The following EYS variants were observed in gnomAD, a reference collection of about 807,000 sequenced individuals.
EYS encodes the protein EGF-like photoreceptor maintenance factor, also known as protein eyes shut homolog.
EYS carries 250 observed loss-of-function variants against 282.1 expected under a neutral mutation model. The ratio of observed to expected loss-of-function variants is 0.89; its 90% CI spans 0.80 to 0.98. The LOEUF (loss-of-function observed/expected upper bound fraction) is 0.98, where lower values mean the gene tolerates loss of function less well. Among genes scored for constraint, EYS ranks in the 50% least tolerant of loss-of-function variants. The probability of loss-of-function intolerance (pLI) is 0.00; values close to 1 mark genes in which losing one functional copy is unlikely to be tolerated. For synonymous variants in EYS, 1,355 were observed against 1,282.9 expected (o/e 1.06, Z -1.20); for missense variants, 4,016 against 3,709.0 (o/e 1.08, Z -2.15).
At chr6:64,166,897 C>A (rs1316712888) in intron 31 of EYS, among the ~76,000 whole-genome samples, 2 of 152,120 alleles carry the variant, frequency 1.3e-5, no homozygotes, top group African/African-American at 2.4e-5. Flanking sequence ...TTCCTGGACA[C>A]AATAATGTGC....
chr6:64,750,247 C>T (rs1039601699), intron 22 of EYS, among the ~76,000 whole-genome samples: 1 of 151,962 alleles, frequency 6.6e-6, no homozygotes, highest in African/African-American at 2.4e-5. Context: ...AGGTCAGCTT[C>T]TCTGTTACCC....
intron 6 of EYS, 148 bp downstream of exon 6, chr6:65,405,026 A>C (rs993995637): frequency 3.5e-6 from 2 of 565,118 alleles, no homozygotes; most frequent in Non-Finnish European, 3.0e-6. Flanking sequence ...AAATAGGAAA[A>C]ATTAAAATAA....
At chr6:64,485,191 G>T (rs1776546024) in intron 26 of EYS, among the ~76,000 whole-genome samples, 1 of 151,594 alleles carries the variant, frequency 6.6e-6, no homozygotes, top group South Asian at 2.1e-4. Context: ...AAATTGCTAA[G>T]CACTTGCTGA....
chr6:63,875,078 T>C (rs1772931682), intron 35 of EYS, among the ~76,000 whole-genome samples: 1 of 152,212 alleles, frequency 6.6e-6, no homozygotes, highest in African/African-American at 2.4e-5. Context: ...TTCCAGTTTT[T>C]GCCCATTCAG....
chr6:65,537,127 C>G (rs113127649), intron 2 of EYS, among the ~76,000 whole-genome samples: 1,663 of 152,176 alleles, frequency 0.011, 26 homozygotes, highest in Non-Finnish European at 0.015. Context: ...TGTTCTCACT[C>G]ATAAGTGGGA....
chr6:65,340,497 A>T (rs1184216336), intron 10 of EYS, among the ~76,000 whole-genome samples: 1 of 151,212 alleles, frequency 6.6e-6, no homozygotes, highest in Admixed American at 6.6e-5. Context: ...TCTATGAAAT[A>T]CTTGCTTCTG....
chr6:63,763,705 C>A (rs1356617770), intron 40 of EYS, among the ~76,000 whole-genome samples: 1 of 151,736 alleles, frequency 6.6e-6, no homozygotes, highest in East Asian at 1.9e-4. Flanking sequence ...TTTTCTGAGG[C>A]CTCCCCAGCC....
intron 26 of EYS, among the ~76,000 whole-genome samples, chr6:64,552,351 T>G (rs1765108032): frequency 6.6e-6 from 1 of 152,176 alleles, no homozygotes; most frequent in Non-Finnish European, 1.5e-5. Context: ...CAAAGCTGTC[T>G]CTTGTCGGGG....
intron 28 of EYS, among the ~76,000 whole-genome samples, chr6:64,408,455 CCA>C (rs1283949360): frequency 1.3e-5 from 2 of 152,072 alleles, no homozygotes; most frequent in African/African-American, 4.8e-5. Flanking sequence ...ACATATATTT[CCA>C]CAGTTTTAAA....
At chr6:64,827,226 AATGTCATTTCCACAT>A (rs1241073158) in intron 19 of EYS, among the ~76,000 whole-genome samples, 1 of 151,810 alleles carries the variant, frequency 6.6e-6, no homozygotes, top group Non-Finnish European at 1.5e-5. Flanking sequence ...TTCTGCCTGA[AATGTCATTTCCACAT>A]CTCTGTTTGC....
intron 35 of EYS, among the ~76,000 whole-genome samples, chr6:63,977,225 C>A (rs1023429360): frequency 2.6e-5 from 4 of 151,762 alleles, no homozygotes; most frequent in Non-Finnish European, 4.4e-5. Flanking sequence ...TACAGGCATA[C>A]AATGTGTGAT....
intron 30 of EYS, among the ~76,000 whole-genome samples, chr6:64,263,798 C>T (rs532098290): frequency 6.6e-6 from 1 of 152,122 alleles, no homozygotes; most frequent in South Asian, 2.1e-4. Flanking sequence ...CTAAAGTTAT[C>T]GACCCAAAAA....
intron 12 of EYS, among the ~76,000 whole-genome samples, chr6:65,138,164 C>A (rs1019392619): frequency 6.6e-6 from 1 of 151,870 alleles, no homozygotes; most frequent in African/African-American, 2.4e-5. Context: ...GGATTTGAGT[C>A]CTATTGAGGA....
chr6:64,096,795 C>T (rs150226833), intron 31 of EYS, among the ~76,000 whole-genome samples: 22 of 152,156 alleles, frequency 1.4e-4, no homozygotes, highest in Non-Finnish European at 2.2e-4. Context: ...TTGCTGGTGA[C>T]GAGCTGCATT....
At chr6:63,988,867 T>A (rs1236240851) in intron 34 of EYS, among the ~76,000 whole-genome samples, 3 of 151,672 alleles carry the variant, frequency 2.0e-5, no homozygotes, top group African/African-American at 7.3e-5. Context: ...AGAATATAGT[T>A]ATTCTTTTAT....
intron 24 of EYS, among the ~76,000 whole-genome samples, chr6:64,608,488 A>G (rs189224468): frequency 1.3e-5 from 2 of 152,338 alleles, no homozygotes; most frequent in East Asian, 3.9e-4. Context: ...AATGGTACAA[A>G]TATTTTAGAA....
intron 12 of EYS, among the ~76,000 whole-genome samples, chr6:65,179,625 G>A (rs941010224): frequency 2.0e-5 from 3 of 152,104 alleles, no homozygotes; most frequent in African/African-American, 7.2e-5. Flanking sequence ...TCTACCAGAG[G>A]TACAAGGAGG....
In EYS at chr6:64,341,057, AAAC is replaced by A. The variant is rs1252942399; in HGVS notation, c.6079-33978_6079-33976del. ...CAGAATGCCAATTATAAAAAATCGA[AAAC>A]AACACATGCTGGCAAGACTGCAGAG... On this transcript the variant is annotated intron_variant, in intron 29 of 42. Coordinates refer to ENST00000503581, the MANE Select transcript of EYS (RefSeq NM_001142800.2). 2.0e-5 allele frequency among the ~76,000 whole-genome samples: 3 copies of A among 151,846 alleles called. No individual in the cohort carries two copies. In the East Asian group the frequency reaches 5.8e-4, roughly 30 times the overall value.
intron 2 of EYS, among the ~76,000 whole-genome samples, chr6:65,598,842 T>A (rs1328778434): frequency 6.6e-6 from 1 of 152,120 alleles, no homozygotes; most frequent in Non-Finnish European, 1.5e-5. Flanking sequence ...AACGTATTAT[T>A]TAACCTCTTT....
Sources: gnomAD v4.1 joint callset for allele counts (sites outside exome capture counted in the v4.1 genomes callset) on GRCh38, gnomAD v4.1.1 for gene constraint, MANE v1.5 for transcripts, NCBI Gene and HGNC (gene_info 2026-07-23, HGNC 2026-07-21) for gene names.